Variants in GPC6 observed in about 807,000 individuals in gnomAD.
GPC6 encodes glypican 6, also known as glypican-6.
A neutral mutation model predicts 55.2 loss-of-function variants in GPC6; 14 were observed. That is an observed-to-expected ratio of 0.25 (90% CI 0.17 to 0.40). GPC6 has a LOEUF of 0.40. Ranked by LOEUF, GPC6 falls within the 10% of genes least tolerant of loss-of-function variation. The pLI is 1.00. For missense variants in GPC6, 641 were observed against 708.5 expected (o/e 0.90, Z 1.08); for synonymous variants, 278 against 259.6 (o/e 1.07, Z -0.68).
In GPC6 at chr13:94,120,899, G is replaced by A. The variant is rs575687147; in HGVS notation, c.877+93005G>A. 3.7e-4 allele frequency among the ~76,000 whole-genome samples: 56 copies of A among 152,104 alleles called. No individual in the cohort carries two copies. The East Asian group carries it at 8.0e-3, about 22-fold the overall frequency. On this transcript the variant is annotated intron_variant, in intron 4 of 8. Coordinates refer to ENST00000377047, the MANE Select transcript of GPC6 (RefSeq NM_005708.5). ...GTGCTACCTCCCTTTCCCAACAGCC[G>A]GCAAAGACAGATTATATTCCCACTA...
chr13:94,236,003 G>A (rs974791887), intron 4 of GPC6, among the ~76,000 whole-genome samples: 1 of 152,166 alleles, frequency 6.6e-6, no homozygotes, highest in African/African-American at 2.4e-5. Flanking sequence ...TTCTGCCAAA[G>A]TGTTTACGTT....
chr13:93,837,802 T>C (rs896936150), intron 3 of GPC6, among the ~76,000 whole-genome samples: 2 of 152,148 alleles, frequency 1.3e-5, no homozygotes, highest in African/African-American at 4.8e-5. Flanking sequence ...GAACCATGTG[T>C]TAAAGGTTGC....
chr13:93,231,361 G>GTATA lies in GPC6; in HGVS notation c.160+3760_160+3763dup, dbSNP rs1229841914. ...TATATATATACATATATATATATAC[G>GTATA]TATATATATATATATATACATATAT... On this transcript the variant is annotated intron_variant, in intron 1 of 8. Coordinates refer to ENST00000377047, the MANE Select transcript of GPC6 (RefSeq NM_005708.5). Among the ~76,000 whole-genome samples the GTATA allele has an allele frequency of 4.6e-3, 397 of 86,118 alleles. 7 individuals are homozygous for GTATA. The highest frequency in any genetic ancestry group is 8.3e-3 in the African/African-American group (178 of 21,334). 56.5% of individuals were successfully genotyped at this position (86,118 alleles called of 152,430 possible). A position where few individuals can be genotyped will look rare whatever the true frequency, so the allele number is the denominator to read the frequency against.
At chr13:94,367,636 A>C (rs1450908689) in intron 6 of GPC6, among the ~76,000 whole-genome samples, 1 of 151,634 alleles carries the variant, frequency 6.6e-6, no homozygotes, top group Non-Finnish European at 1.5e-5. Context: ...GCATGCCCTT[A>C]ATATGGTGTG....
intron 4 of GPC6, among the ~76,000 whole-genome samples, chr13:94,054,772 G>T (rs1167461535): frequency 6.6e-6 from 1 of 152,044 alleles, no homozygotes; most frequent in East Asian, 1.9e-4. Flanking sequence ...GGAGACCTGT[G>T]GGAAATTCAC....
chr13:93,588,753 A>G (rs1320604356), intron 2 of GPC6, among the ~76,000 whole-genome samples: 5 of 152,090 alleles, frequency 3.3e-5, no homozygotes, highest in Non-Finnish European at 5.9e-5. Flanking sequence ...GCACCAAACC[A>G]CTAGGAATCT....
chr13:94,118,707 C>T (rs1477574134), intron 4 of GPC6, among the ~76,000 whole-genome samples: 1 of 152,038 alleles, frequency 6.6e-6, no homozygotes, highest in Non-Finnish European at 1.5e-5. Flanking sequence ...TAGCTATAGC[C>T]ACCTTTCTTG....
At chr13:93,392,666 A>AT (rs1464971801) in intron 1 of GPC6, among the ~76,000 whole-genome samples, 1 of 152,202 alleles carries the variant, frequency 6.6e-6, no homozygotes, top group East Asian at 1.9e-4. Context: ...AAAATTAAAT[A>AT]TATGGGCAAT....
intron 2 of GPC6, among the ~76,000 whole-genome samples, chr13:93,611,898 T>C (rs1017205079): frequency 5.3e-5 from 8 of 152,202 alleles, no homozygotes; most frequent in Non-Finnish European, 1.0e-4. Flanking sequence ...TGAGGTTACA[T>C]AGGGCAAATT....
rs999595741 is a variant in GPC6 at position 94,155,233 on chromosome 13, C to CT, written c.877+127339_877+127340insT. Among the ~76,000 whole-genome samples the CT allele has an allele frequency of 9.5e-3, 30 of 3,168 alleles. No individual in the cohort carries two copies. The Admixed American group carries it at 0.13, about 14-fold the overall frequency. The allele number at this position is 3,168 out of a possible 152,430, so 2.1% of individuals were successfully genotyped here. A position where few individuals can be genotyped will look rare whatever the true frequency, so the allele number is the denominator to read the frequency against. ...TGAGCTCACCCTTCTCATCCCACAA[C>CT]CTGCTCCTCCTTCTTTTCTCGAGTT... On this transcript the variant is annotated intron_variant, in intron 4 of 8. Coordinates refer to ENST00000377047, the MANE Select transcript of GPC6 (RefSeq NM_005708.5).
intron 1 of GPC6, among the ~76,000 whole-genome samples, chr13:93,374,459 C>G (rs1874803907): frequency 1.3e-5 from 2 of 152,104 alleles, no homozygotes; most frequent in African/African-American, 4.8e-5. Flanking sequence ...AGTCTTTACC[C>G]TGTGCGGGCA....
At chr13:93,460,877 A>G (rs1878656783) in intron 1 of GPC6, among the ~76,000 whole-genome samples, 3 of 152,178 alleles carry the variant, frequency 2.0e-5, no homozygotes, top group African/African-American at 7.2e-5. Flanking sequence ...AATAAATTAT[A>G]TGTATCTTGC....
chr13:94,219,928 G>C (rs1028090879), intron 4 of GPC6, among the ~76,000 whole-genome samples: 4 of 152,098 alleles, frequency 2.6e-5, no homozygotes, highest in South Asian at 2.1e-4. Context: ...GGTTCCAAGA[G>C]GAGGATTCAT....
At chr13:94,011,649 C>T (rs1225368517) in intron 3 of GPC6, among the ~76,000 whole-genome samples, 1 of 152,152 alleles carries the variant, frequency 6.6e-6, no homozygotes, top group Non-Finnish European at 1.5e-5. Context: ...TGAATTCCTC[C>T]GTGTTCCCAA....
Position 94,100,378 on chromosome 13 carries a change from A to G in GPC6, c.877+72484A>G, listed in dbSNP as rs116498942. 2.5e-3 allele frequency among the ~76,000 whole-genome samples: 382 copies of G among 152,330 alleles called. 1 individual carries two copies. The highest frequency in any genetic ancestry group is 8.9e-3 in the African/African-American group (370 of 41,570). ...TTTAATACATTACTCTAAAGGGGCA[A>G]ACATACTATTTTCCTTTATCTAAAT... On this transcript the variant is annotated intron_variant, in intron 4 of 8. Transcript: ENST00000377047.
At chr13:93,880,297 A>G (rs1874879842) in intron 3 of GPC6, among the ~76,000 whole-genome samples, 1 of 152,034 alleles carries the variant, frequency 6.6e-6, no homozygotes, top group Non-Finnish European at 1.5e-5. Context: ...TCACAATAGC[A>G]AAGACTTGGA....
intron 4 of GPC6, among the ~76,000 whole-genome samples, chr13:94,259,667 C>T (rs1378106829): frequency 6.6e-6 from 1 of 152,102 alleles, no homozygotes; most frequent in Non-Finnish European, 1.5e-5. Flanking sequence ...TCCCTGTTCC[C>T]CTTCCTTTTG....
intron 4 of GPC6, among the ~76,000 whole-genome samples, chr13:94,038,546 C>T (rs1424087622): frequency 6.6e-6 from 1 of 151,944 alleles, no homozygotes; most frequent in Non-Finnish European, 1.5e-5. Flanking sequence ...TGAATCCTGA[C>T]TCCACCACTT....
chr13:94,291,812 T>G (rs1164932297), intron 5 of GPC6, among the ~76,000 whole-genome samples: 1 of 152,012 alleles, frequency 6.6e-6, no homozygotes, highest in African/African-American at 2.4e-5. Context: ...AGAAATATGG[T>G]TAACTTCTGA....
Sources: gnomAD v4.1 joint callset for allele counts (sites outside exome capture counted in the v4.1 genomes callset) on GRCh38, gnomAD v4.1.1 for gene constraint, MANE v1.5 for transcripts, NCBI Gene and HGNC (gene_info 2026-07-23, HGNC 2026-07-21) for gene names.